The following ARHGAP10 variants were observed in gnomAD, a reference collection of about 807,000 sequenced individuals.
ARHGAP10 encodes Rho GTPase activating protein 10.
ARHGAP10 carries 87 observed loss-of-function variants against 108.6 expected under a neutral mutation model. The observed-to-expected ratio is 0.80, with a 90% CI of 0.67 to 0.96. The LOEUF (loss-of-function observed/expected upper bound fraction) is 0.96, where lower values mean the gene tolerates loss of function less well. ARHGAP10 is among the 40% of genes least tolerant of loss of function. The pLI is 0.00. For missense variants in ARHGAP10, 939 were observed against 954.5 expected (o/e 0.98, Z 0.21); for synonymous variants, 347 against 341.1 (o/e 1.02, Z -0.19).
chr4:147,749,847 G>A (rs1729070430), intron 1 of ARHGAP10, among the ~76,000 whole-genome samples: 1 of 152,164 alleles, frequency 6.6e-6, no homozygotes, highest in Non-Finnish European at 1.5e-5. Context: ...ATCGACTGTT[G>A]TGGCTTAATT....
In ARHGAP10 at chr4:147,879,226, T is replaced by C; in HGVS notation, c.833-6T>C. ...GAAAATATAAAGGGCTGTTTTTTTG[T>C]TGAAGGGCCTGCTCCGTTTGGTTCC... On this transcript the variant is annotated splice_polypyrimidine_tract_variant and splice_region_variant and intron_variant, in intron 8 of 22. Transcript: ENST00000336498. 1 of 1,607,760 alleles carries C rather than the reference T, an allele frequency of 6.2e-7. No homozygotes were observed. The highest frequency in any genetic ancestry group is 8.5e-7 in the Non-Finnish European group (1 of 1,178,074).
At chr4:147,974,580 T>C (rs766691774) in intron 18 of ARHGAP10, among the ~76,000 whole-genome samples, 19 of 152,214 alleles carry the variant, frequency 1.2e-4, no homozygotes, top group Non-Finnish European at 1.9e-4. Flanking sequence ...AGGGTTTTAA[T>C]TGGATTTTCA....
chr4:147,882,289 T>C (rs931075864), intron 10 of ARHGAP10, among the ~76,000 whole-genome samples: 2 of 151,978 alleles, frequency 1.3e-5, no homozygotes, highest in Non-Finnish European at 2.9e-5. Context: ...GGTGAAACTC[T>C]GTCTCTACTA....
intron 1 of ARHGAP10, among the ~76,000 whole-genome samples, chr4:147,797,149 C>G (rs1731347882): frequency 6.6e-6 from 1 of 152,202 alleles, no homozygotes; most frequent in African/African-American, 2.4e-5. Context: ...GGTTTTCTCT[C>G]CTCTAGTGGC....
intron 18 of ARHGAP10, among the ~76,000 whole-genome samples, chr4:147,975,138 G>C (rs934320723): frequency 2.6e-5 from 4 of 152,156 alleles, no homozygotes; most frequent in African/African-American, 9.7e-5. Context: ...CCTGGACAAG[G>C]ATTCTTTATA....
At chr4:147,865,816 C>A (rs1227589164) in intron 6 of ARHGAP10, 1 of 152,180 alleles carries the variant, frequency 6.6e-6, no homozygotes, top group Non-Finnish European at 1.5e-5. Flanking sequence ...GAGAAAAACT[C>A]AACCTCCTCA....
intron 13 of ARHGAP10, among the ~76,000 whole-genome samples, chr4:147,913,586 G>T (rs1736841784): frequency 6.6e-6 from 1 of 151,992 alleles, no homozygotes; most frequent in Non-Finnish European, 1.5e-5. Context: ...CATGTCCCTG[G>T]TGTCTCTTTT....
intron 16 of ARHGAP10, among the ~76,000 whole-genome samples, chr4:147,957,844 G>T (rs575012146): frequency 2.6e-5 from 4 of 152,166 alleles, no homozygotes; most frequent in South Asian, 4.1e-4. Context: ...CACCACAAAA[G>T]GCACATTTGT....
intron 3 of ARHGAP10, among the ~76,000 whole-genome samples, chr4:147,839,692 T>C (rs1425979504): frequency 6.6e-6 from 1 of 152,236 alleles, no homozygotes; most frequent in East Asian, 1.9e-4. Context: ...GAATGTAAAG[T>C]TGTTGGAGTG....
chr4:148,069,086 T>C (rs1730034425), intron 22 of ARHGAP10, among the ~76,000 whole-genome samples: 1 of 152,096 alleles, frequency 6.6e-6, no homozygotes, highest in Non-Finnish European at 1.5e-5. Context: ...TAGACACTGC[T>C]TGGGGGAGGA....
chr4:147,735,806 C>T (rs1728390783), intron 1 of ARHGAP10, among the ~76,000 whole-genome samples: 1 of 152,074 alleles, frequency 6.6e-6, no homozygotes, highest in African/African-American at 2.4e-5. Context: ...GTTCAAATGG[C>T]TTTTTTAGTT....
chr4:147,825,081 C>T (rs536895484), intron 3 of ARHGAP10, among the ~76,000 whole-genome samples: 8 of 152,290 alleles, frequency 5.3e-5, no homozygotes, highest in African/African-American at 1.7e-4. Context: ...AGGTGTCACT[C>T]TAATTTCCTG....
At chr4:147,857,694 A>G (rs1363476569) in intron 5 of ARHGAP10, 40 bp downstream of exon 5, 2 of 1,390,646 alleles carry the variant, frequency 1.4e-6, no homozygotes, top group Non-Finnish European at 1.9e-6. Flanking sequence ...TCAAAATTTG[A>G]TAAGCAATAC....
chr4:147,936,012 C>T (rs1737917029), intron 13 of ARHGAP10, among the ~76,000 whole-genome samples: 1 of 152,136 alleles, frequency 6.6e-6, no homozygotes. Flanking sequence ...CTTATTTCAT[C>T]TCTCCATATA....
chr4:147,907,753 C>G (rs1736560542), intron 11 of ARHGAP10, among the ~76,000 whole-genome samples: 1 of 152,142 alleles, frequency 6.6e-6, no homozygotes, highest in African/African-American at 2.4e-5. Context: ...GAATGTATCA[C>G]TCTTACACCA....
At chr4:147,791,967 G>A (rs1347817584) in intron 1 of ARHGAP10, among the ~76,000 whole-genome samples, 1 of 152,152 alleles carries the variant, frequency 6.6e-6, no homozygotes. Flanking sequence ...TAGCACTGCT[G>A]GTGAACATTC....
At chr4:147,955,068 T>C (rs1009935506) in intron 15 of ARHGAP10, among the ~76,000 whole-genome samples, 13 of 152,220 alleles carry the variant, frequency 8.5e-5, no homozygotes, top group African/African-American at 2.6e-4. Context: ...CGTGATTAGA[T>C]ATGAAATACT....
intron 10 of ARHGAP10, among the ~76,000 whole-genome samples, chr4:147,903,804 C>T (rs924408535): frequency 2.0e-5 from 3 of 152,128 alleles, no homozygotes; most frequent in Non-Finnish European, 2.9e-5. Flanking sequence ...TTTTTAGCAC[C>T]GAATAATACT....
chr4:147,925,811 T>G (rs1478231975), intron 13 of ARHGAP10, among the ~76,000 whole-genome samples: 1 of 152,230 alleles, frequency 6.6e-6, no homozygotes, highest in African/African-American at 2.4e-5. Context: ...GTGCATTTTG[T>G]GCTCATTCCC....
Sources: allele counts gnomAD v4.1 joint callset (sites outside exome capture counted in the v4.1 genomes callset), GRCh38; gene constraint gnomAD v4.1.1; transcripts MANE v1.5; gene names NCBI Gene and HGNC (gene_info 2026-07-23, HGNC 2026-07-21).